The following PREX2 variants were observed in gnomAD, a reference collection of about 807,000 sequenced individuals.
PREX2 encodes the protein phosphatidylinositol-3,4,5-trisphosphate dependent Rac exchange factor 2, also known as phosphatidylinositol 3,4,5-trisphosphate-dependent Rac exchanger 2 protein.
PREX2 carries 107 observed loss-of-function variants against 203.2 expected under a neutral mutation model. The observed-to-expected ratio is 0.53, with a 90% CI of 0.45 to 0.62. PREX2 has a LOEUF of 0.62. Ranked by LOEUF, PREX2 falls within the 20% of genes least tolerant of loss-of-function variation. The pLI is 0.00. For missense variants in PREX2, 1,777 were observed against 1,955.9 expected (o/e 0.91, Z 1.72); for synonymous variants, 672 against 663.6 (o/e 1.01, Z -0.19).
At chr8:68,102,130 G>A (rs1204292127) in intron 23 of PREX2, among the ~76,000 whole-genome samples, 1 of 152,088 alleles carries the variant, frequency 6.6e-6, no homozygotes, top group Non-Finnish European at 1.5e-5. Flanking sequence ...ATTATGGAAA[G>A]CTCTTTTATG....
At chr8:68,011,440 AAC>A (rs1366596757) in intron 1 of PREX2, among the ~76,000 whole-genome samples, 5 of 151,774 alleles carry the variant, frequency 3.3e-5, no homozygotes, top group Non-Finnish European at 5.9e-5. Context: ...TTTAAAAAAA[AAC>A]AACATTACTA....
chr8:68,115,906 C>T lies in PREX2; in HGVS notation c.3300C>T (p.Asp1100=), dbSNP rs1048948922. 1 of 1,612,288 alleles carries T rather than the reference C, an allele frequency of 6.2e-7. No homozygotes were observed. The highest frequency in any genetic ancestry group is 1.7e-5 in the Admixed American group (1 of 59,716). ...ATGAACAGGAAGATTCTGGTCATGA[C>T]ACCATCAGCAACAGAGACTCTTACA... ...AGDEQEDSGH[D]TISNRDSYSD... Residue 1100 remains aspartate (D), a synonymous_variant, in exon 26 of 40, where the codon GAC becomes GAT. Coordinates refer to ENST00000288368, the MANE Select transcript of PREX2 (RefSeq NM_024870.4).
chr8:68,170,056 A>G lies in PREX2; in HGVS notation c.4346+12620A>G, dbSNP rs540915255. 1.2e-3 allele frequency among the ~76,000 whole-genome samples: 180 copies of G among 152,342 alleles called. 1 individual carries two copies. Among genetic ancestry groups the G allele is most frequent in the Middle Eastern group, 3.4e-3 (1 of 294 alleles). ...ATATTTGAACATTAGCCTGAATCAT[A>G]AGGAGACAGCTTTTCTAAAATCTTG... On this transcript the variant is annotated intron_variant, in intron 35 of 39. Transcript: ENST00000288368.
At chr8:68,079,190 C>G (rs1256111932) in intron 15 of PREX2, among the ~76,000 whole-genome samples, 2 of 152,268 alleles carry the variant, frequency 1.3e-5, no homozygotes, top group Admixed American at 1.3e-4. Flanking sequence ...AAAATAGATT[C>G]TCACTTCTGT....
chr8:68,014,641 G>A (rs1807362121), intron 1 of PREX2, among the ~76,000 whole-genome samples: 1 of 152,226 alleles, frequency 6.6e-6, no homozygotes, highest in Non-Finnish European at 1.5e-5. Flanking sequence ...GTGGTTGGGT[G>A]AGAGGGTGTT....
At chr8:68,054,557 T>TA (rs1348384316) in intron 9 of PREX2, among the ~76,000 whole-genome samples, 1 of 152,142 alleles carries the variant, frequency 6.6e-6, no homozygotes, top group Non-Finnish European at 1.5e-5. Context: ...GCTAGATGAC[T>TA]AAAAATAATA....
intron 35 of PREX2, among the ~76,000 whole-genome samples, chr8:68,175,429 C>G (rs1315811806): frequency 2.6e-5 from 4 of 152,080 alleles, no homozygotes; most frequent in African/African-American, 9.7e-5. Context: ...TTCTACTGTG[C>G]ACCCTGTGGT....
At chr8:68,171,234 TTCA>T (rs1811869537) in intron 35 of PREX2, among the ~76,000 whole-genome samples, 1 of 152,178 alleles carries the variant, frequency 6.6e-6, no homozygotes, top group Non-Finnish European at 1.5e-5. Context: ...ATGGTGTGCC[TTCA>T]TCAATGAAGA....
Position 68,077,409 on chromosome 8 carries a change from A to G in PREX2, c.1582A>G (p.Thr528Ala), listed in dbSNP as rs529031047. 52 of 1,613,518 alleles carry G rather than the reference A, an allele frequency of 3.2e-5. No individual in the cohort carries two copies. The South Asian group carries it at 5.4e-4, about 17-fold the overall frequency. Residue 528 changes from threonine to alanine, a missense_variant, in exon 15 of 40, where the codon ACC (threonine) becomes GCC (alanine). By Grantham distance (58) the Thr-to-Ala change is moderately conservative (BLOSUM62 0). Coordinates refer to ENST00000288368, the MANE Select transcript of PREX2 (RefSeq NM_024870.4). Reference sequence around the variant, plus strand: ...TTTTGGTTAACAGGGAGATTGCCGCACCAGAGAAGAGGCAATGATATTTGG... The same window carrying G: ...TTTTGGTTAACAGGGAGATTGCCGCGCCAGAGAAGAGGCAATGATATTTGG... ...DWLIAQGDCR[T>A]REEAMIFGVG...
At chr8:68,035,985 T>G (rs1194523135) in intron 6 of PREX2, among the ~76,000 whole-genome samples, 1 of 152,162 alleles carries the variant, frequency 6.6e-6, no homozygotes, top group Non-Finnish European at 1.5e-5. Context: ...GATTAATAAT[T>G]GACTAAACTG....
intron 17 of PREX2, among the ~76,000 whole-genome samples, chr8:68,081,385 T>G (rs931490137): frequency 3.3e-5 from 5 of 152,068 alleles, no homozygotes; most frequent in Non-Finnish European, 7.4e-5. Context: ...CCCATACTGG[T>G]CCGCAGCCTG....
At position 68,098,058 on chromosome 8, in the gene PREX2, G is replaced by A. The variant is rs572279458; in HGVS notation, c.2553+857G>A. Among the ~76,000 whole-genome samples, 29 of 152,314 alleles carry A rather than the reference G, an allele frequency of 1.9e-4. No individual in the cohort carries two copies. In the South Asian group the frequency reaches 4.8e-3, roughly 25 times the overall value. ...TAGGCTGAAACAAGATGGAGAGGAA[G>A]GAAGGGAGCCTTTATCCAAATTAAT... On this transcript the variant is annotated intron_variant, in intron 22 of 39. Coordinates refer to ENST00000288368, the MANE Select transcript of PREX2 (RefSeq NM_024870.4).
intron 35 of PREX2, among the ~76,000 whole-genome samples, chr8:68,160,867 A>G (rs1811639987): frequency 6.6e-6 from 1 of 152,130 alleles, no homozygotes; most frequent in Non-Finnish European, 1.5e-5. Flanking sequence ...AGTTTACTCA[A>G]AAGGTAAACA....
chr8:68,230,844 T>C (rs2129615640), intron 39 of PREX2, among the ~76,000 whole-genome samples: 2 of 152,260 alleles, frequency 1.3e-5, no homozygotes, highest in Middle Eastern at 6.8e-3. Flanking sequence ...AATCTTGCCA[T>C]GTCAGCCTAT....
chr8:68,068,356 T>A (rs1262773067), intron 11 of PREX2, among the ~76,000 whole-genome samples: 1 of 152,024 alleles, frequency 6.6e-6, no homozygotes, highest in Non-Finnish European at 1.5e-5. Flanking sequence ...AAGTCTTATC[T>A]TGAGGATGGT....
At chr8:68,175,214 C>CAG (rs982624492) in intron 35 of PREX2, among the ~76,000 whole-genome samples, 4 of 151,952 alleles carry the variant, frequency 2.6e-5, no homozygotes, top group African/African-American at 7.3e-5. Context: ...GAAGCTGTTT[C>CAG]AGAGAGAGAA....
chr8:67,994,091 A>G (rs1268536868), intron 1 of PREX2, among the ~76,000 whole-genome samples: 1 of 152,214 alleles, frequency 6.6e-6, no homozygotes, highest in Non-Finnish European at 1.5e-5. Flanking sequence ...ATTATATGTA[A>G]CTTTAAAATG....
At chr8:67,964,834 A>G (rs28497388) in intron 1 of PREX2, among the ~76,000 whole-genome samples, 21,499 of 152,174 alleles carry the variant, frequency 0.14, 2,023 homozygotes, top group African/African-American at 0.27. Flanking sequence ...GATCATTGTA[A>G]ACTCACACCT....
chr8:68,204,674 C>A (rs1195941370), intron 37 of PREX2, among the ~76,000 whole-genome samples: 2 of 121,112 alleles, frequency 1.7e-5, no homozygotes, highest in Non-Finnish European at 3.4e-5. Context: ...TTTCTTTCTT[C>A]TTTCTTTTTT....
Sources: gnomAD v4.1 joint callset for allele counts (sites outside exome capture counted in the v4.1 genomes callset) on GRCh38, gnomAD v4.1.1 for gene constraint, MANE v1.5 for transcripts, NCBI Gene and HGNC (gene_info 2026-07-23, HGNC 2026-07-21) for gene names.